Variants in PHF2 observed in about 807,000 individuals in gnomAD.
PHF2 encodes the protein PHD finger protein 2.
PHF2 carries 27 observed loss-of-function variants against 120.5 expected under a neutral mutation model. That is an observed-to-expected ratio of 0.22 (90% CI 0.17 to 0.31). The LOEUF (loss-of-function observed/expected upper bound fraction) is 0.31, where lower values mean the gene tolerates loss of function less well. Ranked by LOEUF, PHF2 falls within the 10% of genes least tolerant of loss-of-function variation. PHF2 has a pLI of 1.00. For synonymous variants in PHF2, 568 were observed against 592.5 expected (o/e 0.96, Z 0.60); for missense variants, 1,024 against 1,434.8 (o/e 0.71, Z 4.63).
chr9:93,648,517 T>C (rs1297617566), intron 4 of PHF2, among the ~76,000 whole-genome samples: 1 of 152,244 alleles, frequency 6.6e-6, no homozygotes, highest in Non-Finnish European at 1.5e-5. Context: ...AAAGGGCGAC[T>C]GGCAATTCTG....
intron 6 of PHF2, among the ~76,000 whole-genome samples, chr9:93,653,740 G>T (rs1053089535): frequency 1.3e-5 from 2 of 152,340 alleles, no homozygotes; most frequent in East Asian, 3.9e-4. Context: ...CATCTGAGTG[G>T]GCAGGGAAGG....
Position 93,612,089 on chromosome 9 carries a change from C to T in PHF2, c.99-17881C>T, listed in dbSNP as rs569057660. 2.0e-5 allele frequency among the ~76,000 whole-genome samples: 3 copies of T among 152,336 alleles called. No individual in the cohort carries two copies. In the South Asian group the frequency reaches 6.2e-4, roughly 32 times the overall value. ...TCTCTATACTCTTCTGCAACTTGTG[C>T]TCTTTGCTGAACAATATACATCCTG... On this transcript the variant is annotated intron_variant, in intron 1 of 21. Transcript: ENST00000359246.
chr9:93,581,519 G>A (rs1217050732), intron 1 of PHF2, among the ~76,000 whole-genome samples: 2 of 152,194 alleles, frequency 1.3e-5, no homozygotes, highest in African/African-American at 4.8e-5. Flanking sequence ...AAGTTCTGGA[G>A]GAGGTGGGAA....
At position 93,660,448 on chromosome 9, in the gene PHF2, A is replaced by G. The variant is rs536463019; in HGVS notation, c.1586A>G (p.Lys529Arg). Residue 529 changes from lysine to arginine, a missense_variant, in exon 12 of 22, where the codon AAG (lysine) becomes AGG (arginine). By Grantham distance (26) the Lys-to-Arg change is conservative. This residue lies in a region of PHF2 where 677 missense variants were observed against 857.4 expected (regional missense o/e 0.79). Transcript: ENST00000359246. ...CTGAAGCTCAAAGATGGAGGCAAGA[A>G]GAAAGGGAAGAAGTCCCGGGAGTCA... is the stretch of plus-strand genomic sequence containing the variant. ...KTLKLKDGGK[K>R]KGKKSRESAS... 41 of 1,573,196 alleles carry G rather than the reference A, an allele frequency of 2.6e-5. No individual in the cohort carries two copies. In the South Asian group the frequency reaches 4.5e-4, roughly 17 times the overall value.
At chr9:93,647,923 A>C (rs1826290015) in intron 4 of PHF2, among the ~76,000 whole-genome samples, 1 of 152,110 alleles carries the variant, frequency 6.6e-6, no homozygotes, top group Non-Finnish European at 1.5e-5. Flanking sequence ...ACATCATTTT[A>C]CCCATAAAAA....
chr9:93,588,631 C>T (rs1428862111), intron 1 of PHF2, among the ~76,000 whole-genome samples: 1 of 152,194 alleles, frequency 6.6e-6, no homozygotes, highest in East Asian at 1.9e-4. Flanking sequence ...GTGGCTCACA[C>T]CTGTAATCCC....
chr9:93,580,877 C>T (rs1442996100), intron 1 of PHF2, among the ~76,000 whole-genome samples: 4 of 151,968 alleles, frequency 2.6e-5, no homozygotes, highest in African/African-American at 7.3e-5. Context: ...AGAGGAGGGG[C>T]GAGAGTGGAC....
At chr9:93,614,839 A>G (rs1825695327) in intron 1 of PHF2, among the ~76,000 whole-genome samples, 1 of 73,600 alleles carries the variant, frequency 1.4e-5, no homozygotes, top group African/African-American at 3.6e-5. Flanking sequence ...GATGGTGGTG[A>G]TGGTGATAGT....
chr9:93,660,796 C>T (rs888852145), intron 12 of PHF2, among the ~76,000 whole-genome samples: 1 of 152,230 alleles, frequency 6.6e-6, no homozygotes, highest in African/African-American at 2.4e-5. Context: ...AGTGGACAGG[C>T]TTTGCCCAAC....
intron 2 of PHF2, among the ~76,000 whole-genome samples, chr9:93,634,732 A>C (rs1826062493): frequency 6.6e-6 from 1 of 152,244 alleles, no homozygotes; most frequent in African/African-American, 2.4e-5. Context: ...ATCTGCTCGC[A>C]GACACTCCCC....
chr9:93,591,545 G>A (rs1401697034), intron 1 of PHF2, among the ~76,000 whole-genome samples: 3 of 152,176 alleles, frequency 2.0e-5, no homozygotes, highest in Admixed American at 1.3e-4. Context: ...TTAGGGGCAG[G>A]GTGGGGACCA....
At chr9:93,654,802 A>G (rs952444760) in intron 7 of PHF2, among the ~76,000 whole-genome samples, 22 of 152,150 alleles carry the variant, frequency 1.4e-4, no homozygotes, top group Non-Finnish European at 2.9e-4. Flanking sequence ...GGGGCCAGCA[A>G]TGGGGCTTGT....
In PHF2 at chr9:93,677,091, C is replaced by A; in HGVS notation, c.3202+128C>A. 9.6e-7 allele frequency: 1 copy of A among 1,040,274 alleles called. No homozygotes were observed. Among genetic ancestry groups the A allele is most frequent in the Non-Finnish European group, 1.4e-6 (1 of 735,578 alleles). The allele number at this position is 1,040,274 out of a possible 1,614,324, so 64.4% of individuals were successfully genotyped here. A position where few individuals can be genotyped will look rare whatever the true frequency, so the allele number is the denominator to read the frequency against. On this transcript the variant is annotated intron_variant, in intron 21 of 21. Transcript: ENST00000359246. This position sits in a 1 kb window ranked among gnomAD's most constrained non-coding sequence, Gnocchi z 4.4. ...GGGAGGGCTCCTGGGCCTTGGGTGG[C>A]AGGGTGCTGTGGTCCAAGTTGGTTG...
At chr9:93,618,732 GTGTGTATGTGTGTGTGTATGCC>G (rs1256678784) in intron 1 of PHF2, among the ~76,000 whole-genome samples, 13 of 151,870 alleles carry the variant, frequency 8.6e-5, no homozygotes, top group Admixed American at 7.2e-4. Context: ...TTGCACACCT[GTGTGTATGTGTGTGTGTATGCC>G]TGTGTTTGTG....
chr9:93,588,603 C>T (rs1037192102), intron 1 of PHF2, among the ~76,000 whole-genome samples: 1 of 152,184 alleles, frequency 6.6e-6, no homozygotes, highest in Non-Finnish European at 1.5e-5. Context: ...CAGAAAAACA[C>T]TTTATGGGCT....
At chr9:93,637,505 C>T (rs1040799488) in intron 3 of PHF2, among the ~76,000 whole-genome samples, 1 of 152,198 alleles carries the variant, frequency 6.6e-6, no homozygotes, top group Non-Finnish European at 1.5e-5. Context: ...TACTAATCCA[C>T]TTTCTTGTTT....
In PHF2 at chr9:93,669,793, C is replaced by T. The variant is rs562710275; in HGVS notation, c.2348+2553C>T. On this transcript the variant is annotated intron_variant, in intron 17 of 21. Coordinates refer to ENST00000359246, the MANE Select transcript of PHF2 (RefSeq NM_005392.4). ...CCCTGTGGCAGCTTCCTCTCCCTGT[C>T]CTGCTGTAGCAGAGCCTCAGTCTTG... Among the ~76,000 whole-genome samples the T allele has an allele frequency of 2.0e-5, 3 of 152,330 alleles. No homozygotes were observed. The East Asian group carries it at 5.8e-4, about 29-fold the overall frequency.
At chr9:93,673,557 C>CT in intron 17 of PHF2, 28 bp from the exon 18 acceptor site, 1 of 1,532,146 alleles carries the variant, frequency 6.5e-7, no homozygotes, top group Non-Finnish European at 8.8e-7. Flanking sequence ...GAGCACTGGG[C>CT]TGAGTGCCTG....
intron 1 of PHF2, among the ~76,000 whole-genome samples, chr9:93,606,843 G>A (rs1447183682): frequency 6.6e-6 from 1 of 152,052 alleles, no homozygotes; most frequent in African/African-American, 2.4e-5. Context: ...TTACATTTAG[G>A]TCTATGATTT....
Sources: gnomAD v4.1 joint callset for allele counts (sites outside exome capture counted in the v4.1 genomes callset) on GRCh38, gnomAD v4.1.1 for gene constraint, gnomAD v4.1.1 regional missense constraint, Gnocchi (gnomAD v3.1) non-coding constraint, MANE v1.5 for transcripts, NCBI Gene and HGNC (gene_info 2026-07-23, HGNC 2026-07-21) for gene names.